The following ESRRB variants were observed in gnomAD, a reference collection of about 807,000 sequenced individuals.
ESRRB encodes the protein estrogen related receptor beta, also known as steroid hormone receptor ERR2.
In ESRRB, 16 loss-of-function variants were observed where a neutral mutation model predicts 46.0. That is an observed-to-expected ratio of 0.35 (90% confidence interval 0.24 to 0.53). The LOEUF is 0.53. Ranked by LOEUF, ESRRB falls within the 20% of genes least tolerant of loss-of-function variation. The pLI, the probability that ESRRB is intolerant of heterozygous loss-of-function variation, is 0.93. For synonymous variants in ESRRB, 246 were observed against 259.6 expected (o/e 0.95, Z 0.50); for missense variants, 488 against 607.4 (o/e 0.80, Z 2.07).
chr14:76,484,692 C>T (rs890876896), intron 5 of ESRRB, among the ~76,000 whole-genome samples: 6 of 151,642 alleles, frequency 4.0e-5, no homozygotes, highest in African/African-American at 7.3e-5. Context: ...TGTGCCTTTC[C>T]ACCTCCCAGC....
chr14:76,482,873 G>A lies in ESRRB; in HGVS notation c.850+114G>A. 2.3e-6 allele frequency: 3 copies of A among 1,293,972 alleles called. No homozygotes were observed. The highest frequency in any genetic ancestry group is 3.3e-6 in the Non-Finnish European group (3 of 905,258). The allele number at this position is 1,293,972 out of a possible 1,614,324, so 80.2% of individuals were successfully genotyped here. A position where few individuals can be genotyped will look rare whatever the true frequency, so the allele number is the denominator to read the frequency against. On this transcript the variant is annotated intron_variant, in intron 5 of 6. Coordinates refer to ENST00000644823, the MANE Select transcript of ESRRB (RefSeq NM_001379180.1). This position sits in a 1 kb window ranked among gnomAD's most constrained non-coding sequence, Gnocchi z 4.3. ...GGATCCTGGACCCCAGAAGGCCTGTGAAATCCTGGCAGGCCTGTTTCTCTG... is the reference window on the plus strand; with the variant it reads ...GGATCCTGGACCCCAGAAGGCCTGTAAAATCCTGGCAGGCCTGTTTCTCTG...
At position 76,388,257 on chromosome 14, in the gene ESRRB, C is replaced by A. The variant is rs1814484; in HGVS notation, c.50+11806C>A. Among the ~76,000 whole-genome samples, 5 of 149,230 alleles carry A rather than the reference C, an allele frequency of 3.4e-5. No individual in the cohort carries two copies. The South Asian group carries it at 1.1e-3, about 32-fold the overall frequency. ...GCAGTGGCGCAATCTCGGCTCACTG[C>A]GCGCTCTGCCTCCCAGGTTCACGCC... is the stretch of plus-strand genomic sequence containing the variant. On this transcript the variant is annotated intron_variant, in intron 1 of 6. Transcript: ENST00000644823.
At chr14:76,451,350 A>C (rs1888373704) in intron 2 of ESRRB, among the ~76,000 whole-genome samples, 1 of 152,238 alleles carries the variant, frequency 6.6e-6, no homozygotes, top group African/African-American at 2.4e-5. Flanking sequence ...TGTCCGTATC[A>C]GTAAAATGTT....
intron 1 of ESRRB, among the ~76,000 whole-genome samples, chr14:76,321,899 A>AAT (rs1555388820): frequency 2.0e-5 from 3 of 151,502 alleles, no homozygotes; most frequent in Non-Finnish European, 2.9e-5. Context: ...AAAAAAAAAA[A>AAT]ATATATTCTT....
intron 1 of ESRRB, among the ~76,000 whole-genome samples, chr14:76,345,980 A>G (rs1476292633): frequency 6.6e-6 from 1 of 152,056 alleles, no homozygotes; most frequent in Non-Finnish European, 1.5e-5. Context: ...AGAAGTCCAA[A>G]ATCAAGGTGC....
upstream of ESRRB, among the ~76,000 whole-genome samples, chr14:76,367,949 CTTTTTT>C (rs778235037): frequency 1.7e-4 from 16 of 95,284 alleles, 1 homozygote; most frequent in East Asian, 2.8e-4. Flanking sequence ...TTCCAGTTTG[CTTTTTT>C]TTTTTTTTTT....
chr14:76,498,709 C>A lies in ESRRB; in HGVS notation c.*251C>A. ...TTTTCTTTGGTATGTCTTTCCTTCT[C>A]CATGGACGGTGCGGAGGCCTGGGCC... On this transcript the variant is annotated 3_prime_UTR_variant, in exon 7 of 7. Coordinates refer to ENST00000644823, the MANE Select transcript of ESRRB (RefSeq NM_001379180.1). 1 of 1,315,894 alleles carries A rather than the reference C, an allele frequency of 7.6e-7. No individual in the cohort carries two copies. The highest frequency in any genetic ancestry group is 1.1e-6 in the Non-Finnish European group (1 of 931,542). 81.5% of individuals were successfully genotyped at this position (1,315,894 alleles called of 1,614,324 possible).
chr14:76,463,445 G>GTTTTTTTTTTTGTTTTTGTTTTTTT (rs1566599993), intron 3 of ESRRB: 5 of 114,738 alleles, frequency 4.4e-5, no homozygotes, highest in African/African-American at 1.8e-4. Context: ...ATGCTTCTTT[G>GTTTTTTTTTTTGTTTTTGTTTTTTT]TTTTTTTTTT....
chr14:76,343,786 T>G (rs1884218750), intron 1 of ESRRB, among the ~76,000 whole-genome samples: 1 of 152,248 alleles, frequency 6.6e-6, no homozygotes, highest in Non-Finnish European at 1.5e-5. Flanking sequence ...TTAAGCTAGT[T>G]ACTAGGGCCA....
In ESRRB at chr14:76,499,923, AAAT is replaced by A. The variant is rs1249334605; in HGVS notation, c.*1466_*1468del. On this transcript the variant is annotated 3_prime_UTR_variant, in exon 7 of 7. Coordinates refer to ENST00000644823, the MANE Select transcript of ESRRB (RefSeq NM_001379180.1). ...TGAAAGAATGTCAAGCCATGATGGA[AAAT>A]GCCCCTTCCAATCAGCTGCCTTCAC... 6.2e-7 allele frequency: 1 copy of A among 1,614,112 alleles called. No individual in the cohort carries two copies.
chr14:76,459,872 G>A (rs1029903647), intron 2 of ESRRB, among the ~76,000 whole-genome samples: 2 of 152,088 alleles, frequency 1.3e-5, no homozygotes, highest in Non-Finnish European at 2.9e-5. Context: ...GAGAAAGGTG[G>A]TGCCTGCTGG....
chr14:76,354,233 C>CG (rs1884350538), intron 1 of ESRRB, among the ~76,000 whole-genome samples: 4 of 102,462 alleles, frequency 3.9e-5, no homozygotes, highest in Middle Eastern at 3.9e-3. Flanking sequence ...CGCCCCCCCC[C>CG]CCACCCACAC....
intron 1 of ESRRB, among the ~76,000 whole-genome samples, chr14:76,324,651 A>C (rs1883906272): frequency 6.6e-6 from 1 of 152,190 alleles, no homozygotes; most frequent in South Asian, 2.1e-4. Context: ...GAAGACCATC[A>C]GTGTCTGGAG....
intron 1 of ESRRB, among the ~76,000 whole-genome samples, chr14:76,315,018 T>C (rs1437855697): frequency 6.6e-6 from 1 of 152,098 alleles, no homozygotes; most frequent in African/African-American, 2.4e-5. Flanking sequence ...CCCTGTTTCA[T>C]GAGGTCAGCA....
At chr14:76,442,757 A>C (rs1457643127) in intron 2 of ESRRB, among the ~76,000 whole-genome samples, 1 of 151,652 alleles carries the variant, frequency 6.6e-6, no homozygotes, top group Non-Finnish European at 1.5e-5. Flanking sequence ...TTGATCTAAC[A>C]GGACTCAGAT....
chr14:76,461,397 G>A (rs1193202363), intron 2 of ESRRB, among the ~76,000 whole-genome samples: 1 of 151,944 alleles, frequency 6.6e-6, no homozygotes, highest in African/African-American at 2.4e-5. Context: ...AGTGCTGCTG[G>A]ACACTGGGGA....
chr14:76,494,303 A>C (rs2140055665), intron 6 of ESRRB, among the ~76,000 whole-genome samples: 1 of 126,720 alleles, frequency 7.9e-6, no homozygotes, highest in South Asian at 2.5e-4. Flanking sequence ...GATTTACAGA[A>C]TAACTTTTTT....
chr14:76,460,075 T>C (rs1253330913), intron 2 of ESRRB, among the ~76,000 whole-genome samples: 1 of 152,248 alleles, frequency 6.6e-6, no homozygotes, highest in African/African-American at 2.4e-5. Context: ...GTAATTTTGC[T>C]ACCTCAAAGC....
At chr14:76,330,621 G>A (rs1342680701) in intron 1 of ESRRB, among the ~76,000 whole-genome samples, 1 of 152,210 alleles carries the variant, frequency 6.6e-6, no homozygotes, top group Admixed American at 6.5e-5. Context: ...GAGGAAGGGA[G>A]GATCGAGGAT....
Sources: gnomAD v4.1 joint callset for allele counts (sites outside exome capture counted in the v4.1 genomes callset) on GRCh38, gnomAD v4.1.1 for gene constraint, Gnocchi (gnomAD v3.1) non-coding constraint, MANE v1.5 for transcripts, NCBI Gene and HGNC (gene_info 2026-07-23, HGNC 2026-07-21) for gene names.